UBE2H: variants seen among roughly 807,000 people sequenced by gnomAD.
The protein encoded by UBE2H is ubiquitin-conjugating enzyme E2 H.
A neutral mutation model predicts 29.0 loss-of-function variants in UBE2H; 3 were observed. The observed-to-expected ratio is 0.10, with a 90% CI of 0.05 to 0.27. The LOEUF is 0.27. Ranked by LOEUF, UBE2H falls within the 10% of genes least tolerant of loss-of-function variation. The probability of loss-of-function intolerance (pLI) is 1.00; values close to 1 mark genes in which losing one functional copy is unlikely to be tolerated. For missense variants in UBE2H, 68 were observed against 228.2 expected (o/e 0.30, Z 4.52); for synonymous variants, 69 against 82.9 (o/e 0.83, Z 0.91).
chr7:129,907,416 A>T (rs1806842606), intron 1 of UBE2H, among the ~76,000 whole-genome samples: 1 of 152,218 alleles, frequency 6.6e-6, no homozygotes, highest in African/African-American at 2.4e-5. Flanking sequence ...TATCATAGGC[A>T]GGGTACAGCT....
chr7:129,867,930 T>G (rs1480146425), intron 3 of UBE2H, among the ~76,000 whole-genome samples: 1 of 152,124 alleles, frequency 6.6e-6, no homozygotes, highest in African/African-American at 2.4e-5. Context: ...TCAGGCAAAT[T>G]GGATGTCATA....
intron 1 of UBE2H, among the ~76,000 whole-genome samples, chr7:129,905,071 C>G (rs116565853): frequency 0.012 from 1,864 of 152,090 alleles, 39 homozygotes; most frequent in African/African-American, 0.043. Context: ...GGAGTACAAG[C>G]CATTTGAAAG....
Position 129,857,414 on chromosome 7 carries a change from A to G in UBE2H, c.298+97T>C, listed in dbSNP as rs146061013. Reference sequence around the variant, plus strand: ...GGTCCCTCAAAAATCCCTTCCCATTACCAACAAAACATCTTAAACCAGAAA... The same window carrying G: ...GGTCCCTCAAAAATCCCTTCCCATTGCCAACAAAACATCTTAAACCAGAAA... On this transcript the variant is annotated intron_variant, in intron 5 of 6. Transcript: ENST00000355621. The G allele has an allele frequency of 1.3e-5, 18 of 1,337,982 alleles. No homozygotes were observed. In the East Asian group the frequency reaches 3.1e-4, roughly 23 times the overall value. The allele number at this position is 1,337,982 out of a possible 1,614,324, so 82.9% of individuals were successfully genotyped here. A position where few individuals can be genotyped will look rare whatever the true frequency, so the allele number is the denominator to read the frequency against.
At chr7:129,868,829 G>C (rs1303381384) in intron 3 of UBE2H, among the ~76,000 whole-genome samples, 2 of 151,962 alleles carry the variant, frequency 1.3e-5, no homozygotes, top group Admixed American at 1.3e-4. Context: ...CTCTCACTGA[G>C]AACTTCAGCA....
At chr7:129,915,237 T>C (rs1197168514) in intron 1 of UBE2H, among the ~76,000 whole-genome samples, 1 of 152,178 alleles carries the variant, frequency 6.6e-6, no homozygotes, top group Non-Finnish European at 1.5e-5. Context: ...CTTCACACTT[T>C]ATTTAAATAC....
intron 1 of UBE2H, among the ~76,000 whole-genome samples, chr7:129,927,756 T>TA (rs555789518): frequency 2.0e-5 from 3 of 152,046 alleles, no homozygotes; most frequent in Non-Finnish European, 4.4e-5. Context: ...ACGTGGGAGC[T>TA]AAAAAAGTTA....
At chr7:129,881,882 G>A (rs978587049) in intron 1 of UBE2H, among the ~76,000 whole-genome samples, 11 of 152,150 alleles carry the variant, frequency 7.2e-5, no homozygotes, top group Non-Finnish European at 1.6e-4. Flanking sequence ...CTTGGCTTAT[G>A]GAATAATCAA....
At chr7:129,891,181 TTTTAA>T (rs1324655246) in intron 1 of UBE2H, among the ~76,000 whole-genome samples, 3 of 152,032 alleles carry the variant, frequency 2.0e-5, no homozygotes, top group African/African-American at 4.8e-5. Context: ...TGAGCCTCTT[TTTTAA>T]TTTTTTATTT....
At chr7:129,896,093 T>A (rs1295779591) in intron 1 of UBE2H, among the ~76,000 whole-genome samples, 1 of 152,040 alleles carries the variant, frequency 6.6e-6, no homozygotes, top group Non-Finnish European at 1.5e-5. Flanking sequence ...ATCCCAGCAC[T>A]TCGGGATTCA....
intron 1 of UBE2H, among the ~76,000 whole-genome samples, chr7:129,908,833 G>T (rs1038516918): frequency 2.6e-5 from 4 of 152,166 alleles, no homozygotes; most frequent in African/African-American, 9.7e-5. Flanking sequence ...GGAAGAAATG[G>T]GGGGTCACAA....
chr7:129,949,782 G>A (rs558550052), intron 1 of UBE2H, among the ~76,000 whole-genome samples: 1 of 152,206 alleles, frequency 6.6e-6, no homozygotes, highest in African/African-American at 2.4e-5. Flanking sequence ...CTACTATATA[G>A]GTTCCCTGCC....
At chr7:129,840,445 C>G (rs1277714426) in intron 5 of UBE2H, among the ~76,000 whole-genome samples, 1 of 152,004 alleles carries the variant, frequency 6.6e-6, no homozygotes, top group Non-Finnish European at 1.5e-5. Context: ...ATCTTGGCCT[C>G]CCCAAGTGCT....
At chr7:129,952,301 G>A (rs2116546826) in intron 1 of UBE2H, among the ~76,000 whole-genome samples, 1 of 152,250 alleles carries the variant, frequency 6.6e-6, no homozygotes, top group Non-Finnish European at 1.5e-5. Context: ...GCGTATTTCG[G>A]GGTGCTGCGG....
chr7:129,872,756 T>C (rs909746788), intron 3 of UBE2H, among the ~76,000 whole-genome samples: 3 of 147,058 alleles, frequency 2.0e-5, no homozygotes, highest in Admixed American at 7.0e-5. Flanking sequence ...GGCAGGAGAA[T>C]TGCTTGAACC....
chr7:129,880,758 G>T, intron 2 of UBE2H, 137 bp downstream of exon 2: 1 of 675,752 alleles, frequency 1.5e-6, no homozygotes, highest in Non-Finnish European at 2.4e-6. Context: ...ATAAGAGAAA[G>T]ATTTCCTCAC....
At chr7:129,839,830 C>T (rs540659637) in intron 5 of UBE2H, 1 of 160,560 alleles carries the variant, frequency 6.2e-6, no homozygotes, top group African/African-American at 2.4e-5. Flanking sequence ...CTGCCTCAGC[C>T]TCCCAAGTAG....
chr7:129,833,320 AAC>A lies in UBE2H; in HGVS notation c.*1615_*1616del, dbSNP rs1338719007. On this transcript the variant is annotated 3_prime_UTR_variant, in exon 7 of 7. Coordinates refer to ENST00000355621, the MANE Select transcript of UBE2H (RefSeq NM_003344.4). ...TGGAATACAGCACTTCTAAACTAAA[AAC>A]ACACGTCAAAAAGAAAAATTAAATA... is the stretch of plus-strand genomic sequence containing the variant. 6.6e-6 allele frequency: 1 copy of A among 152,624 alleles called. No homozygotes were observed. Among genetic ancestry groups the A allele is most frequent in the East Asian group, 1.9e-4 (1 of 5,200 alleles). The allele number at this position is 152,624 out of a possible 1,614,324, so 9.5% of individuals were successfully genotyped here.
At chr7:129,885,062 TAA>T (rs35043856) in intron 1 of UBE2H, among the ~76,000 whole-genome samples, 9 of 143,412 alleles carry the variant, frequency 6.3e-5, no homozygotes, top group Admixed American at 1.4e-4. Flanking sequence ...GAACTTCTCT[TAA>T]AAAAAAAAAA....
At chr7:129,878,674 C>T (rs1245921022) in intron 3 of UBE2H, among the ~76,000 whole-genome samples, 2 of 101,248 alleles carry the variant, frequency 2.0e-5, no homozygotes, top group Non-Finnish European at 3.7e-5. Flanking sequence ...CAGAGTGAGA[C>T]TCCGTCTCAA....
Sources: allele counts gnomAD v4.1 joint callset (sites outside exome capture counted in the v4.1 genomes callset), GRCh38; gene constraint gnomAD v4.1.1; transcripts MANE v1.5; gene names NCBI Gene and HGNC (gene_info 2026-07-23, HGNC 2026-07-21).